The following SLC8A3 variants were observed in gnomAD, a reference collection of about 807,000 sequenced individuals.
SLC8A3 encodes the protein solute carrier family 8 member A3.
SLC8A3 carries 37 observed loss-of-function variants against 65.4 expected under a neutral mutation model. That is an observed-to-expected ratio of 0.57 (90% CI 0.44 to 0.74). The LOEUF (loss-of-function observed/expected upper bound fraction) is 0.74. Among genes scored for constraint, SLC8A3 ranks in the 30% least tolerant of loss-of-function variants. The probability of loss-of-function intolerance (pLI) is 0.00; values close to 1 mark genes in which losing one functional copy is unlikely to be tolerated. For missense variants in SLC8A3, 1,112 were observed against 1,172.1 expected (o/e 0.95, Z 0.75); for synonymous variants, 461 against 444.5 (o/e 1.04, Z -0.47).
intron 2 of SLC8A3, among the ~76,000 whole-genome samples, chr14:70,072,478 T>C (rs1411382180): frequency 6.6e-6 from 1 of 152,084 alleles, no homozygotes; most frequent in African/African-American, 2.4e-5. Flanking sequence ...CTCTACAGGG[T>C]AGAAAATATT....
At chr14:70,048,681 G>A in intron 6 of SLC8A3, 86 bp downstream of exon 6, 1 of 1,154,190 alleles carries the variant, frequency 8.7e-7, no homozygotes, top group Non-Finnish European at 1.3e-6. Context: ...GATCTGAGAT[G>A]GTGTGGAAGA....
chr14:70,167,937 A>T lies in SLC8A3; in HGVS notation c.486T>A (p.Ala162=), dbSNP rs1329848375. 4 of 1,614,076 alleles carry T rather than the reference A, an allele frequency of 2.5e-6. No homozygotes were observed. Among genetic ancestry groups the T allele is most frequent in the Non-Finnish European group, 3.4e-6 (4 of 1,180,018 alleles). Residue 162 remains alanine, a synonymous_variant, in exon 2 of 7, where the codon GCT becomes GCA. Transcript: ENST00000356921. ...CAATGGTAGAAGGTCCCAGATCACC[A>T]GCAATGAACCCATGACCACACACCT... ...LIEVCGHGFI[A]GDLGPSTIVG...
chr14:70,115,826 A>C (rs1893617348), intron 2 of SLC8A3, among the ~76,000 whole-genome samples: 1 of 152,158 alleles, frequency 6.6e-6, no homozygotes, highest in Non-Finnish European at 1.5e-5. Flanking sequence ...TGCAAAATGA[A>C]AGGGTCCAAC....
At chr14:70,123,611 G>A (rs561689779) in intron 2 of SLC8A3, among the ~76,000 whole-genome samples, 1 of 151,840 alleles carries the variant, frequency 6.6e-6, no homozygotes, top group South Asian at 2.1e-4. Flanking sequence ...CACCACACCC[G>A]GCTAATTTTT....
rs776595916 is a variant in SLC8A3 at position 70,060,687 on chromosome 14, A to G, written c.1888+149T>C. On this transcript the variant is annotated intron_variant, in intron 3 of 6. Transcript: ENST00000356921. ...ATACAGGAGGGAAAAGAATAAAAAAATCCATTGGTCAAAAAGAGAAAGGAG... is the reference window on the plus strand; with the variant it reads ...ATACAGGAGGGAAAAGAATAAAAAAGTCCATTGGTCAAAAAGAGAAAGGAG... 9.2e-6 allele frequency: 7 copies of G among 759,954 alleles called. No homozygotes were observed. The South Asian group carries it at 9.5e-5, about 10-fold the overall frequency. The allele number at this position is 759,954 out of a possible 1,614,324, so 47.1% of individuals were successfully genotyped here. A position where few individuals can be genotyped will look rare whatever the true frequency, so the allele number is the denominator to read the frequency against.
At chr14:70,159,582 T>C (rs1250931163) in intron 2 of SLC8A3, among the ~76,000 whole-genome samples, 1 of 152,120 alleles carries the variant, frequency 6.6e-6, no homozygotes, top group African/African-American at 2.4e-5. Flanking sequence ...CTTTGGGAAG[T>C]TGATGAAAAG....
chr14:70,078,619 G>C (rs1408657602), intron 2 of SLC8A3, among the ~76,000 whole-genome samples: 1 of 152,182 alleles, frequency 6.6e-6, no homozygotes, highest in Non-Finnish European at 1.5e-5. Flanking sequence ...TAAGCTGCCA[G>C]TACCATGGGC....
intron 2 of SLC8A3, among the ~76,000 whole-genome samples, chr14:70,132,254 A>G (rs1237818090): frequency 6.6e-6 from 1 of 152,260 alleles, no homozygotes; most frequent in African/African-American, 2.4e-5. Context: ...GCCACTCACC[A>G]GAAAAAGCAG....
chr14:70,110,387 C>T (rs1893205922), intron 2 of SLC8A3, among the ~76,000 whole-genome samples: 1 of 149,284 alleles, frequency 6.7e-6, no homozygotes, highest in Non-Finnish European at 1.5e-5. Context: ...TCTCTATGTC[C>T]ATAGGTTCAA....
At chr14:70,162,836 G>A (rs1053767445) in intron 2 of SLC8A3, among the ~76,000 whole-genome samples, 2 of 152,148 alleles carry the variant, frequency 1.3e-5, no homozygotes, top group African/African-American at 4.8e-5. Context: ...TTGTAATATG[G>A]ATGTAAATTA....
intron 3 of SLC8A3, among the ~76,000 whole-genome samples, chr14:70,054,259 TG>T (rs984307264): frequency 1.5e-4 from 21 of 137,984 alleles, no homozygotes; most frequent in African/African-American, 1.6e-4. Flanking sequence ...AGCTTGGGGG[TG>T]GGGGGGTGGT....
At chr14:70,151,264 A>AG (rs897835975) in intron 2 of SLC8A3, among the ~76,000 whole-genome samples, 3 of 150,834 alleles carry the variant, frequency 2.0e-5, no homozygotes, top group African/African-American at 7.3e-5. Context: ...AAAAAAAGAA[A>AG]AAAAAAAAAA....
rs766150067 is a variant in SLC8A3 at position 70,188,730 on chromosome 14, G to C, written c.-414C>G. On this transcript the variant is annotated 5_prime_UTR_variant, in exon 1 of 7. Transcript: ENST00000356921. ...GTGACTGGAATCTACGCCCGGGAGA[G>C]GCCCGGAGTCCCGGCCGCGGGCGGC... 6 of 152,168 alleles carry C rather than the reference G, an allele frequency of 3.9e-5. No homozygotes were observed. Among genetic ancestry groups the C allele is most frequent in the African/African-American group, 1.4e-4 (6 of 41,446 alleles). 9.4% of individuals were successfully genotyped at this position (152,168 alleles called of 1,614,324 possible).
intron 2 of SLC8A3, among the ~76,000 whole-genome samples, chr14:70,107,510 A>G (rs1282812547): frequency 6.6e-6 from 1 of 152,110 alleles, no homozygotes; most frequent in Non-Finnish European, 1.5e-5. Flanking sequence ...CCTGTGCACA[A>G]AGCCTTGGGA....
chr14:70,056,267 G>T (rs1341299666), intron 3 of SLC8A3, among the ~76,000 whole-genome samples: 1 of 152,210 alleles, frequency 6.6e-6, no homozygotes, highest in Non-Finnish European at 1.5e-5. Flanking sequence ...TGACCATGGG[G>T]CTTGAATGGG....
chr14:70,063,329 A>T (rs1889029863), intron 2 of SLC8A3, among the ~76,000 whole-genome samples: 1 of 152,172 alleles, frequency 6.6e-6, no homozygotes, highest in South Asian at 2.1e-4. Context: ...ACTGTAATCC[A>T]AATACATTGA....
chr14:70,164,805 G>A (rs1469996291), intron 2 of SLC8A3, among the ~76,000 whole-genome samples: 4 of 152,088 alleles, frequency 2.6e-5, no homozygotes, highest in South Asian at 2.1e-4. Context: ...CACTGACATC[G>A]CGATAATCAT....
chr14:70,063,980 G>A, intron 2 of SLC8A3: 2 of 1,036,250 alleles, frequency 1.9e-6, no homozygotes, highest in African/African-American at 1.6e-5. Context: ...TGTAGGACAA[G>A]TCAGCCAGCA....
At chr14:70,131,344 G>C (rs914140764) in intron 2 of SLC8A3, among the ~76,000 whole-genome samples, 7 of 152,196 alleles carry the variant, frequency 4.6e-5, no homozygotes, top group African/African-American at 1.7e-4. Context: ...GCAGAGTATG[G>C]AGCCTCTGCT....
Sources: gnomAD v4.1 joint callset for allele counts (sites outside exome capture counted in the v4.1 genomes callset) on GRCh38, gnomAD v4.1.1 for gene constraint, MANE v1.5 for transcripts, NCBI Gene and HGNC (gene_info 2026-07-23, HGNC 2026-07-21) for gene names.